The following TSHZ2 variants were observed in gnomAD, a reference collection of about 807,000 sequenced individuals.
TSHZ2 encodes teashirt zinc finger homeobox 2, also known as teashirt homolog 2.
A neutral mutation model predicts 74.4 loss-of-function variants in TSHZ2; 21 were observed. That is an observed-to-expected ratio of 0.28 (90% CI 0.20 to 0.41). TSHZ2 has a LOEUF of 0.41. Among genes scored for constraint, TSHZ2 ranks in the 10% least tolerant of loss-of-function variants. TSHZ2 has a pLI of 1.00. For missense variants in TSHZ2, 1,244 were observed against 1,293.5 expected (o/e 0.96, Z 0.59); for synonymous variants, 540 against 515.3 (o/e 1.05, Z -0.65).
intron 1 of TSHZ2, among the ~76,000 whole-genome samples, chr20:53,037,591 C>T (rs974249775): frequency 6.6e-6 from 1 of 152,120 alleles, no homozygotes; most frequent in Non-Finnish European, 1.5e-5. Flanking sequence ...GTTGATCAGA[C>T]CTATTTTTAC....
At chr20:53,023,066 T>A (rs968213780) in intron 1 of TSHZ2, among the ~76,000 whole-genome samples, 1 of 152,218 alleles carries the variant, frequency 6.6e-6, no homozygotes, top group Non-Finnish European at 1.5e-5. Flanking sequence ...TAAATTCTTA[T>A]CACCTGGGAA....
intron 1 of TSHZ2, among the ~76,000 whole-genome samples, chr20:53,048,157 G>A (rs1461823753): frequency 6.6e-6 from 1 of 152,158 alleles, no homozygotes; most frequent in Non-Finnish European, 1.5e-5. Flanking sequence ...GAGAGCCACA[G>A]TGTCACAACA....
chr20:53,009,710 A>G (rs150031292), intron 1 of TSHZ2, among the ~76,000 whole-genome samples: 3 of 152,296 alleles, frequency 2.0e-5, no homozygotes, highest in African/African-American at 7.2e-5. Flanking sequence ...TTCCCAGTCA[A>G]AAAGCTTCTG....
chr20:53,076,990 G>T (rs532885647), intron 1 of TSHZ2, among the ~76,000 whole-genome samples: 2 of 152,314 alleles, frequency 1.3e-5, no homozygotes, highest in East Asian at 3.9e-4. Context: ...CTCGGGCTTA[G>T]AGAGAGTGGA....
chr20:53,428,045 C>T (rs1427390184), intron 2 of TSHZ2, among the ~76,000 whole-genome samples: 2 of 152,184 alleles, frequency 1.3e-5, no homozygotes, highest in African/African-American at 4.8e-5. Flanking sequence ...TTGTACAAAG[C>T]TTGCACCAAC....
chr20:53,226,809 G>A (rs1480635708), intron 1 of TSHZ2, among the ~76,000 whole-genome samples: 1 of 152,016 alleles, frequency 6.6e-6, no homozygotes, highest in Non-Finnish European at 1.5e-5. Context: ...CATCCAGTTG[G>A]AGACAAAAAT....
chr20:52,983,357 T>C (rs1335933996), intron 1 of TSHZ2, among the ~76,000 whole-genome samples: 1 of 152,256 alleles, frequency 6.6e-6, no homozygotes, highest in South Asian at 2.1e-4. Context: ...CACAAATGAA[T>C]GTTTTTTATT....
chr20:52,977,197 G>A (rs1981374172), intron 1 of TSHZ2, among the ~76,000 whole-genome samples: 1 of 152,046 alleles, frequency 6.6e-6, no homozygotes, highest in Admixed American at 6.6e-5. Flanking sequence ...CCAACAGGAT[G>A]GAGGGAGGGG....
At chr20:53,064,461 G>A (rs1984914645) in intron 1 of TSHZ2, among the ~76,000 whole-genome samples, 1 of 151,836 alleles carries the variant, frequency 6.6e-6, no homozygotes, top group Non-Finnish European at 1.5e-5. Context: ...AATTAAGAAC[G>A]TTTGAGCCCC....
At chr20:53,146,911 T>A (rs1345618052) in intron 1 of TSHZ2, among the ~76,000 whole-genome samples, 1 of 152,192 alleles carries the variant, frequency 6.6e-6, no homozygotes, top group Non-Finnish European at 1.5e-5. Flanking sequence ...TATTAATAAC[T>A]GCAACAACCA....
At chr20:53,282,600 TG>T (rs1991085858) in intron 2 of TSHZ2, among the ~76,000 whole-genome samples, 1 of 152,222 alleles carries the variant, frequency 6.6e-6, no homozygotes, top group Admixed American at 6.5e-5. Flanking sequence ...ATTCACCGAA[TG>T]GACCTCAGAA....
rs1989123833 is a variant in TSHZ2, at chr20:53,204,829, C to T, written c.41-48670C>T. Reference sequence around the variant, plus strand: ...GGGTGCGGTGGCTCACGCCTGTAATCCCAGCACTTTGGGAGGCCGAGGCGG... The same window carrying T: ...GGGTGCGGTGGCTCACGCCTGTAATTCCAGCACTTTGGGAGGCCGAGGCGG... On this transcript the variant is annotated intron_variant, in intron 1 of 2. Coordinates refer to ENST00000371497, the MANE Select transcript of TSHZ2 (RefSeq NM_173485.6). 2.0e-5 allele frequency among the ~76,000 whole-genome samples: 3 copies of T among 152,192 alleles called. No homozygotes were observed. The South Asian group carries it at 6.2e-4, about 32-fold the overall frequency.
intron 1 of TSHZ2, among the ~76,000 whole-genome samples, chr20:52,998,606 A>G (rs1173974523): frequency 6.6e-6 from 1 of 152,168 alleles, no homozygotes; most frequent in Non-Finnish European, 1.5e-5. Context: ...GCCTGAAAGC[A>G]CCATATACCT....
At chr20:53,227,022 T>C (rs1012309013) in intron 1 of TSHZ2, among the ~76,000 whole-genome samples, 2 of 152,176 alleles carry the variant, frequency 1.3e-5, no homozygotes, top group South Asian at 2.1e-4. Context: ...TGCTTTCATA[T>C]GCAGAATTTT....
intron 1 of TSHZ2, among the ~76,000 whole-genome samples, chr20:53,049,321 GC>G (rs11475442): frequency 0.013 from 2,040 of 151,972 alleles, 50 homozygotes; most frequent in African/African-American, 0.041. Context: ...TTCTGACTGG[GC>G]CCCCAGCTCC....
chr20:53,123,514 C>A (rs1255669924), intron 1 of TSHZ2, among the ~76,000 whole-genome samples: 1 of 152,164 alleles, frequency 6.6e-6, no homozygotes, highest in Non-Finnish European at 1.5e-5. Context: ...AATTGTGGAG[C>A]AGGCTAACCT....
chr20:53,104,942 A>AG (rs1462367738), intron 1 of TSHZ2, among the ~76,000 whole-genome samples: 4 of 152,218 alleles, frequency 2.6e-5, no homozygotes, highest in African/African-American at 9.6e-5. Context: ...TCTAGGAGAA[A>AG]GGAGCTGAGG....
At chr20:53,173,898 T>C (rs1368722333) in intron 1 of TSHZ2, among the ~76,000 whole-genome samples, 1 of 152,204 alleles carries the variant, frequency 6.6e-6, no homozygotes, top group East Asian at 1.9e-4. Flanking sequence ...ATTTTATACC[T>C]CTGTGTGTAG....
At chr20:53,433,576 G>GAC (rs1281093463) in intron 2 of TSHZ2, among the ~76,000 whole-genome samples, 1,910 of 76,552 alleles carry the variant, frequency 0.025, 37 homozygotes, top group African/African-American at 0.092. Context: ...CAGACACACA[G>GAC]ACACACAGAC....
Sources: gnomAD v4.1 joint callset for allele counts (sites outside exome capture counted in the v4.1 genomes callset) on GRCh38, gnomAD v4.1.1 for gene constraint, MANE v1.5 for transcripts, NCBI Gene and HGNC (gene_info 2026-07-23, HGNC 2026-07-21) for gene names.